Variants in PEX5 observed in about 807,000 individuals in gnomAD.
PEX5 encodes the protein PTS1 receptor.
Under a neutral mutation model 82.9 loss-of-function variants are expected in PEX5, and 52 were observed. The ratio of observed to expected loss-of-function variants is 0.63; its 90% CI spans 0.50 to 0.79. The LOEUF is 0.79. PEX5 is among the 30% of genes least tolerant of loss of function. PEX5 has a pLI of 0.00. For missense variants in PEX5, 719 were observed against 815.2 expected (o/e 0.88, Z 1.44); for synonymous variants, 300 against 318.8 (o/e 0.94, Z 0.63).
At chr12:7,190,838 C>T in intron 2 of PEX5, 50 bp from the exon 3 acceptor site, 2 of 1,579,542 alleles carry the variant, frequency 1.3e-6, no homozygotes, top group Non-Finnish European at 1.7e-6. Flanking sequence ...TCATCAACCC[C>T]TGATTTTAGA....
intron 5 of PEX5, among the ~76,000 whole-genome samples, chr12:7,192,265 A>G (rs1327723714): frequency 6.6e-6 from 1 of 152,198 alleles, no homozygotes; most frequent in African/African-American, 2.4e-5. Context: ...GACCTAGTTT[A>G]AAGATAAGAA....
At chr12:7,197,554 A>G (rs1366621310) in intron 5 of PEX5, among the ~76,000 whole-genome samples, 1 of 136,470 alleles carries the variant, frequency 7.3e-6, no homozygotes, top group African/African-American at 2.6e-5. Flanking sequence ...TATGTTATAT[A>G]TAATATAATA....
intron 13 of PEX5, 31 bp from the exon 14 acceptor site, chr12:7,208,974 C>T: frequency 6.2e-7 from 1 of 1,601,062 alleles, no homozygotes; most frequent in African/African-American, 1.3e-5. Context: ...CATTCATCTA[C>T]CTACTTTGTG....
chr12:7,201,818 G>A lies in PEX5; in HGVS notation c.619G>A (p.Asp207Asn), dbSNP rs781334409. The A allele has an allele frequency of 6.2e-7, 1 of 1,613,354 alleles. No homozygotes were observed. The highest frequency in any genetic ancestry group is 8.5e-7 in the Non-Finnish European group (1 of 1,179,444). ...CAGTGACTTTGTGGCCAAAGTGGAT[G>A]ACCCCAAATTGGCTAATTCTGAGGT... Reference protein sequence around the residue: ...TASDFVAKVDDPKLANSEFLK... With the variant: ...TASDFVAKVDNPKLANSEFLK... Residue 207 changes from aspartate to asparagine, a missense_variant, in exon 7 of 16, where the codon GAC (aspartate) becomes AAC (asparagine). Physicochemically the swap from Asp to Asn is conservative, Grantham distance 23 (BLOSUM62 1). Transcript: ENST00000675855.
At chr12:7,201,505 G>A (rs1024414854) in intron 6 of PEX5, among the ~76,000 whole-genome samples, 20 of 151,954 alleles carry the variant, frequency 1.3e-4, no homozygotes, top group African/African-American at 4.8e-4. Context: ...TCTTAATTTT[G>A]AGCCTGCTAC....
chr12:7,202,596 TC>T lies in PEX5; in HGVS notation c.754-14del, dbSNP rs756618826. 1.2e-6 allele frequency: 2 copies of T among 1,610,596 alleles called. No individual in the cohort carries two copies. The highest frequency in any genetic ancestry group is 1.7e-6 in the Non-Finnish European group (2 of 1,176,822). On this transcript the variant is annotated splice_polypyrimidine_tract_variant and intron_variant, in intron 8 of 15. Transcript: ENST00000675855. ...AAGTTGGTGGTAGTGGTACTGACCATCCTTTTTTGTCGCAGGGTACATCAGA... is the reference window on the plus strand; with the variant it reads ...AAGTTGGTGGTAGTGGTACTGACCATCTTTTTTGTCGCAGGGTACATCAGA...
At chr12:7,216,565 T>C (rs1945787342) in intron 17 of PEX5, among the ~76,000 whole-genome samples, 1 of 125,820 alleles carries the variant, frequency 7.9e-6, no homozygotes, top group Non-Finnish European at 1.9e-5. Context: ...TTTACGATCA[T>C]AACTTCTATT....
chr12:7,202,736 C>A, intron 9 of PEX5, 32 bp downstream of exon 9: 2 of 1,417,224 alleles, frequency 1.4e-6, no homozygotes, highest in South Asian at 2.3e-5. Flanking sequence ...GCAGACACCC[C>A]AAAAGAAAAC....
intron 6 of PEX5, among the ~76,000 whole-genome samples, chr12:7,199,603 T>A (rs1161940466): frequency 1.1e-4 from 16 of 151,432 alleles, no homozygotes; most frequent in African/African-American, 3.9e-4. Flanking sequence ...CATGTCTACT[T>A]CTTTCTACAC....
At position 7,202,242 on chromosome 12, in the gene PEX5, T is replaced by G; in HGVS notation, c.644T>G (p.Phe215Cys). ...VDDPKLANSE[F>C]LKFVRQIGEG... ...CCTGTGTGTGTCTCTGTGCCCCAGT[T>G]CCTGAAATTCGTGCGGCAGATTGGC... Residue 215 changes from phenylalanine to cysteine, a missense_variant and splice_region_variant, in exon 8 of 16, where the codon TTC becomes TGC. Coordinates refer to ENST00000675855, the MANE Select transcript of PEX5 (RefSeq NM_001351132.2). 2 of 1,614,046 alleles carry G rather than the reference T, an allele frequency of 1.2e-6. No homozygotes were observed. Among genetic ancestry groups the G allele is most frequent in the South Asian group, 2.2e-5 (2 of 91,070 alleles).
chr12:7,201,190 T>C lies in PEX5; in HGVS notation c.552-561T>C, dbSNP rs150871261. On this transcript the variant is annotated intron_variant, in intron 6 of 15. Transcript: ENST00000675855. Reference sequence around the variant, plus strand: ...ACACATACACATATGTACACACGCATACATACACATACATGTGCACATACA... The same window carrying C: ...ACACATACACATATGTACACACGCACACATACACATACATGTGCACATACA... 9.1e-3 allele frequency among the ~76,000 whole-genome samples: 1,357 copies of C among 148,630 alleles called. 13 individuals are homozygous for C. Among genetic ancestry groups the C allele is most frequent in the Non-Finnish European group, 0.014 (926 of 66,988 alleles).
Position 7,197,338 on chromosome 12 carries a change from TTATATATGTCATATACAATGTAATAATTA to T in PEX5, c.449-1667_449-1639del, listed in dbSNP as rs1469161528. 2.2e-3 allele frequency among the ~76,000 whole-genome samples: 209 copies of T among 94,260 alleles called. 17 individuals are homozygous for T. Among genetic ancestry groups the T allele is most frequent in the African/African-American group, 8.0e-3 (202 of 25,362 alleles). 61.8% of individuals were successfully genotyped at this position (94,260 alleles called of 152,430 possible). On this transcript the variant is annotated intron_variant, in intron 5 of 15. Transcript: ENST00000675855. ...TCATATGTCATATACAATGTAATAA[TTATATATGTCATATACAATGTAATAATTA>T]TATATGTCATATACAATGTAATAAT... is the stretch of plus-strand genomic sequence containing the variant.
downstream of PEX5, among the ~76,000 whole-genome samples, chr12:7,213,908 C>CT (rs1217517083): frequency 3.3e-5 from 5 of 152,100 alleles, 1 homozygote; most frequent in Middle Eastern, 6.8e-3. Context: ...AAAAAGTGGG[C>CT]GAAGGACATG....
downstream of PEX5, among the ~76,000 whole-genome samples, chr12:7,212,208 A>T (rs4268580): frequency 6.6e-6 from 1 of 151,458 alleles, no homozygotes; most frequent in African/African-American, 2.4e-5. Flanking sequence ...CAGGCAATCC[A>T]CCCACCTCGG....
At chr12:7,189,856 C>G in intron 1 of PEX5, 106 bp downstream of exon 1, 9 of 1,287,254 alleles carry the variant, frequency 7.0e-6, no homozygotes, top group Non-Finnish European at 9.1e-6. Flanking sequence ...GCAGCAGGGC[C>G]GGGGAGATGG....
At chr12:7,212,620 A>AG (rs1016512808), downstream of PEX5, among the ~76,000 whole-genome samples, 2 of 152,212 alleles carry the variant, frequency 1.3e-5, no homozygotes, top group African/African-American at 4.8e-5. Context: ...CAATATAGTG[A>AG]GAAAAATGGT....
Position 7,210,369 on chromosome 12 carries a change from G to T in PEX5, c.*146G>T. The T allele has an allele frequency of 1.4e-6, 1 of 729,984 alleles. No individual in the cohort carries two copies. The highest frequency in any genetic ancestry group is 2.6e-5 in the East Asian group (1 of 37,802). The allele number at this position is 729,984 out of a possible 1,614,324, so 45.2% of individuals were successfully genotyped here. A position where few individuals can be genotyped will look rare whatever the true frequency, so the allele number is the denominator to read the frequency against. ...TCAGGAGCTGCCTCAACGTAGGGGT[G>T]GGTAGTCTGTGTTCTAGTTCCTACA... On this transcript the variant is annotated 3_prime_UTR_variant, in exon 16 of 16. Coordinates refer to ENST00000675855, the MANE Select transcript of PEX5 (RefSeq NM_001351132.2).
rs2034502 is a variant in PEX5, at chr12:7,203,767, C to T, written c.966+216C>T. Among the ~76,000 whole-genome samples, 111,871 of 152,058 alleles carry T rather than the reference C, an allele frequency of 0.74. 41,902 individuals carry two copies. Among genetic ancestry groups the T allele is most frequent in the South Asian group, 0.83 (4,009 of 4,822 alleles). ...TTAATGAGACTATCTTTGTCAATAA[C>T]GACAGTCCAGTACATAACACCTGTG... On this transcript the variant is annotated intron_variant, in intron 10 of 15. Coordinates refer to ENST00000675855, the MANE Select transcript of PEX5 (RefSeq NM_001351132.2).
chr12:7,190,187 G>A (rs1389438616), intron 1 of PEX5, 175 bp from the exon 2 acceptor site: 14 of 1,530,642 alleles, frequency 9.1e-6, no homozygotes, highest in Non-Finnish European at 1.2e-5. Context: ...GCAGGAGAGA[G>A]TACCGACCTC....
Sources: gnomAD v4.1 joint callset for allele counts (sites outside exome capture counted in the v4.1 genomes callset) on GRCh38, gnomAD v4.1.1 for gene constraint, MANE v1.5 for transcripts, NCBI Gene and HGNC (gene_info 2026-07-23, HGNC 2026-07-21) for gene names.